Variants in LDB2 observed in about 807,000 individuals in gnomAD.
The protein encoded by LDB2 is LIM domain binding 2.
LDB2 carries 12 observed loss-of-function variants against 44.3 expected under a neutral mutation model. The ratio of observed to expected loss-of-function variants is 0.27; its 90% CI spans 0.17 to 0.44. The LOEUF (loss-of-function observed/expected upper bound fraction) is 0.44, where lower values mean the gene tolerates loss of function less well. Ranked by LOEUF, LDB2 falls within the 20% of genes least tolerant of loss-of-function variation. LDB2 has a pLI of 1.00. For missense variants in LDB2, 344 were observed against 473.5 expected (o/e 0.73, Z 2.54); for synonymous variants, 164 against 174.8 (o/e 0.94, Z 0.49).
At chr4:16,632,040 TA>T (rs1284840496) in intron 2 of LDB2, among the ~76,000 whole-genome samples, 1 of 152,202 alleles carries the variant, frequency 6.6e-6, no homozygotes, top group African/African-American at 2.4e-5. Context: ...CTTCCGAAAC[TA>T]TTCCAATCAA....
chr4:16,751,680 C>A (rs1220863239), intron 2 of LDB2, among the ~76,000 whole-genome samples: 1 of 152,164 alleles, frequency 6.6e-6, no homozygotes. Flanking sequence ...AAAATCAAAT[C>A]AAAAGTAAAT....
At chr4:16,857,710 A>G (rs1438582579) in intron 1 of LDB2, among the ~76,000 whole-genome samples, 1 of 152,118 alleles carries the variant, frequency 6.6e-6, no homozygotes, top group Non-Finnish European at 1.5e-5. Context: ...AAATGTTGGC[A>G]AGCCTCATTC....
At chr4:16,567,001 T>G (rs1002699680) in intron 5 of LDB2, among the ~76,000 whole-genome samples, 6 of 152,336 alleles carry the variant, frequency 3.9e-5, no homozygotes, top group Non-Finnish European at 7.4e-5. Flanking sequence ...TCTTGAAAAG[T>G]GGGAAAATAG....
At chr4:16,538,158 T>C (rs1170241706) in intron 5 of LDB2, among the ~76,000 whole-genome samples, 1 of 152,038 alleles carries the variant, frequency 6.6e-6, no homozygotes, top group Non-Finnish European at 1.5e-5. Context: ...TTGCCTCCCC[T>C]CTTAAAGCAG....
intron 2 of LDB2, among the ~76,000 whole-genome samples, chr4:16,673,979 G>T (rs1016942097): frequency 2.6e-5 from 4 of 152,190 alleles, no homozygotes; most frequent in African/African-American, 9.6e-5. Flanking sequence ...CACTGAGAGA[G>T]CCCATGGGGA....
intron 2 of LDB2, among the ~76,000 whole-genome samples, chr4:16,654,847 AT>A (rs1739333679): frequency 1.3e-5 from 2 of 152,324 alleles, no homozygotes; most frequent in Admixed American, 1.3e-4. Context: ...TTTAGGCACT[AT>A]TTGATTCACG....
chr4:16,782,363 T>C (rs1228936789), intron 1 of LDB2, among the ~76,000 whole-genome samples: 2 of 151,916 alleles, frequency 1.3e-5, no homozygotes, highest in African/African-American at 4.8e-5. Context: ...TTTTTTTTTT[T>C]TTTTTGAGAC....
At position 16,875,929 on chromosome 4, in the gene LDB2, G is replaced by GGCATTATAGGAAGTAGGAAT. The variant is rs1293824946; in HGVS notation, c.132+22405_132+22424dup. 1.5e-4 allele frequency among the ~76,000 whole-genome samples: 23 copies of GGCATTATAGGAAGTAGGAAT among 152,288 alleles called. No individual in the cohort carries two copies. In the East Asian group the frequency reaches 2.9e-3, roughly 19 times the overall value. ...TTGATTCTTAGAACCCTGGATAGCA[G>GGCATTATAGGAAGTAGGAAT]GCATTATAGGAAGTAGGAATGCATT... On this transcript the variant is annotated intron_variant, in intron 1 of 7. Transcript: ENST00000304523.
intron 1 of LDB2, among the ~76,000 whole-genome samples, chr4:16,842,685 A>G (rs1786105507): frequency 6.6e-6 from 1 of 152,224 alleles, no homozygotes; most frequent in Admixed American, 6.5e-5. Context: ...TCTCTATCTT[A>G]CCAACAAGGC....
intron 1 of LDB2, among the ~76,000 whole-genome samples, chr4:16,827,387 CT>C (rs977924284): frequency 2.6e-5 from 4 of 152,122 alleles, no homozygotes; most frequent in Non-Finnish European, 4.4e-5. Flanking sequence ...AGATGCTACT[CT>C]TTTTTTGCTC....
chr4:16,830,458 C>A (rs1156282638), intron 1 of LDB2, among the ~76,000 whole-genome samples: 1 of 152,158 alleles, frequency 6.6e-6, no homozygotes, highest in African/African-American at 2.4e-5. Context: ...ATTAAACCTC[C>A]TTTGTTTATA....
intron 2 of LDB2, among the ~76,000 whole-genome samples, chr4:16,608,460 A>T (rs1724578988): frequency 1.3e-5 from 2 of 152,090 alleles, no homozygotes; most frequent in African/African-American, 4.8e-5. Context: ...ATACCCACCC[A>T]TGTCTGAAAC....
rs540999591 is a variant in LDB2, at chr4:16,511,276, C to A, written c.739+705G>T. On this transcript the variant is annotated intron_variant, in intron 6 of 7. Transcript: ENST00000304523. ...TTTATGATGAATGAGGCTCAACACA[C>A]GCCTGGGAGTGAAAGTATATTAGAT... Among the ~76,000 whole-genome samples the A allele has an allele frequency of 5.6e-4, 85 of 152,206 alleles. No individual in the cohort carries two copies. The South Asian group carries it at 7.3e-3, about 13-fold the overall frequency.
intron 1 of LDB2, among the ~76,000 whole-genome samples, chr4:16,765,363 C>T (rs533404280): frequency 6.6e-6 from 1 of 152,192 alleles, no homozygotes; most frequent in Non-Finnish European, 1.5e-5. Context: ...CCTGCCTTTG[C>T]ATATGTCATT....
At chr4:16,693,093 C>T (rs1295059445) in intron 2 of LDB2, among the ~76,000 whole-genome samples, 1 of 152,136 alleles carries the variant, frequency 6.6e-6, no homozygotes, top group African/African-American at 2.4e-5. Context: ...GTTTCGAGGG[C>T]CTTGGCTTGG....
At chr4:16,626,068 G>C (rs1207806569) in intron 2 of LDB2, among the ~76,000 whole-genome samples, 2 of 152,170 alleles carry the variant, frequency 1.3e-5, no homozygotes, top group Admixed American at 6.5e-5. Context: ...TTGAACCATG[G>C]CTTTGTGCAT....
chr4:16,845,625 G>C (rs1371862703), intron 1 of LDB2, among the ~76,000 whole-genome samples: 1 of 152,098 alleles, frequency 6.6e-6, no homozygotes, highest in Non-Finnish European at 1.5e-5. Flanking sequence ...ACAGTGACAG[G>C]AATAAGACCA....
intron 5 of LDB2, among the ~76,000 whole-genome samples, chr4:16,516,426 A>G (rs115650465): frequency 0.013 from 1,995 of 152,322 alleles, 37 homozygotes; most frequent in African/African-American, 0.045. Flanking sequence ...CCTCCTAAGT[A>G]TCAAGCATTC....
intron 7 of LDB2, chr4:16,503,219 G>T: frequency 1.5e-6 from 2 of 1,357,614 alleles, no homozygotes; most frequent in African/African-American, 1.4e-5. Flanking sequence ...GAGGGCTGTG[G>T]AACCTTCTGC....
Sources: gnomAD v4.1 joint callset for allele counts (sites outside exome capture counted in the v4.1 genomes callset) on GRCh38, gnomAD v4.1.1 for gene constraint, MANE v1.5 for transcripts, NCBI Gene and HGNC (gene_info 2026-07-23, HGNC 2026-07-21) for gene names.